The following ATP6V0A4 variants were observed in gnomAD, a reference collection of about 807,000 sequenced individuals.
ATP6V0A4 encodes V-type proton ATPase 116 kDa subunit a 4.
Under a neutral mutation model 107.3 loss-of-function variants are expected in ATP6V0A4, and 86 were observed. The observed-to-expected ratio is 0.80, with a 90% confidence interval of 0.67 to 0.96. The LOEUF (loss-of-function observed/expected upper bound fraction) is 0.96. Ranked by LOEUF, ATP6V0A4 falls within the 40% of genes least tolerant of loss-of-function variation. The pLI is 0.00. For synonymous variants in ATP6V0A4, 353 were observed against 381.4 expected, an observed-to-expected ratio of 0.93 and a Z score of 0.87; for missense variants, 908 against 1,045.6, an observed-to-expected ratio of 0.87 and a Z score of 1.81.
intron 2 of ATP6V0A4, among the ~76,000 whole-genome samples, chr7:138,782,365 C>A (rs1293343641): frequency 6.6e-6 from 1 of 152,120 alleles, no homozygotes; most frequent in Admixed American, 6.6e-5. Flanking sequence ...GATTAGGGGC[C>A]CACCCCACTC....
chr7:138,718,366 GAATGCAGTCACGGA>G (rs1804215438), intron 19 of ATP6V0A4, among the ~76,000 whole-genome samples: 1 of 105,014 alleles, frequency 9.5e-6, no homozygotes, highest in African/African-American at 3.7e-5. Flanking sequence ...AGGAAGGGGG[GAATGCAGTCACGGA>G]TGTCTGTGGA....
chr7:138,794,077 A>G (rs1157590695), intron 1 of ATP6V0A4, among the ~76,000 whole-genome samples: 1 of 152,204 alleles, frequency 6.6e-6, no homozygotes. Flanking sequence ...AAGGGCAGGG[A>G]GTGAGGTTAA....
rs757800934 is a variant in ATP6V0A4, at chr7:138,768,891, C to T, written c.197-17G>A. The T allele has an allele frequency of 1.1e-5, 18 of 1,613,716 alleles. No individual in the cohort carries two copies. The Admixed American group carries it at 3.0e-4, about 27-fold the overall frequency. ...CCAGAAAACCTGAAGAATGAAAACC[C>T]ACCAGAAACCCCAAGGTGATTGTGT... On this transcript the variant is annotated splice_polypyrimidine_tract_variant and intron_variant, in intron 4 of 21. Transcript: ENST00000310018.
intron 15 of ATP6V0A4, among the ~76,000 whole-genome samples, chr7:138,734,954 C>A: frequency 6.6e-6 from 1 of 152,132 alleles, no homozygotes; most frequent in African/African-American, 2.4e-5. Context: ...CATTACAAAG[C>A]ATTTCCCCAG....
intron 10 of ATP6V0A4, chr7:138,753,042 TC>T: frequency 2.3e-6 from 1 of 432,360 alleles, no homozygotes; most frequent in Non-Finnish European, 3.1e-6. Flanking sequence ...GATTGTATCT[TC>T]CTTTTCTTCT....
At chr7:138,733,234 C>A in intron 16 of ATP6V0A4, 141 bp from the exon 17 acceptor site, 7 of 1,393,600 alleles carry the variant, frequency 5.0e-6, no homozygotes, top group South Asian at 1.4e-5. Context: ...CACCCCCCAC[C>A]CCCCCAGCAA....
chr7:138,746,663 C>G (rs1309889975), intron 13 of ATP6V0A4, among the ~76,000 whole-genome samples: 1 of 152,134 alleles, frequency 6.6e-6, no homozygotes, highest in Non-Finnish European at 1.5e-5. Context: ...ACCACCATGC[C>G]TGGCTAATTT....
At chr7:138,747,592 A>G in intron 12 of ATP6V0A4, 28 bp from the exon 13 acceptor site, 1 of 1,612,680 alleles carries the variant, frequency 6.2e-7, no homozygotes, top group Non-Finnish European at 8.5e-7. Context: ...ACAACGCCTG[A>G]GGCCTCAGCA....
At chr7:138,712,189 C>G (rs117636440) in intron 20 of ATP6V0A4, among the ~76,000 whole-genome samples, 3,918 of 152,252 alleles carry the variant, frequency 0.026, 117 homozygotes, top group East Asian at 0.14. Flanking sequence ...ACCACCTTGG[C>G]CTCCCAAAGT....
chr7:138,710,646 G>T (rs114074592), intron 20 of ATP6V0A4, among the ~76,000 whole-genome samples: 1 of 152,102 alleles, frequency 6.6e-6, no homozygotes, highest in Non-Finnish European at 1.5e-5. Flanking sequence ...TTCAAAAAAC[G>T]TTTAGCTAAT....
At chr7:138,794,120 C>T (rs1483141798) in intron 1 of ATP6V0A4, among the ~76,000 whole-genome samples, 1 of 152,150 alleles carries the variant, frequency 6.6e-6, no homozygotes, top group African/African-American at 2.4e-5. Context: ...CTCAGGTCCA[C>T]ATCTAGATGT....
At chr7:138,732,713 T>C (rs1464545107) in intron 17 of ATP6V0A4, among the ~76,000 whole-genome samples, 164 bp downstream of exon 17, 1 of 151,248 alleles carries the variant, frequency 6.6e-6, no homozygotes, top group Non-Finnish European at 1.5e-5. Context: ...AAAATCGTTT[T>C]AACCCAGGAG....
intron 11 of ATP6V0A4, among the ~76,000 whole-genome samples, chr7:138,751,730 A>G (rs1025866221): frequency 6.6e-6 from 1 of 152,000 alleles, no homozygotes; most frequent in Non-Finnish European, 1.5e-5. Context: ...GTGCTTAGCC[A>G]TCTCGGACAC....
At chr7:138,781,067 G>A (rs755160813) in intron 2 of ATP6V0A4, among the ~76,000 whole-genome samples, 2 of 152,148 alleles carry the variant, frequency 1.3e-5, no homozygotes, top group Admixed American at 6.5e-5. Flanking sequence ...TCAGTATATT[G>A]TCATCAGTGT....
At chr7:138,728,499 T>C (rs902488985) in intron 18 of ATP6V0A4, among the ~76,000 whole-genome samples, 6 of 152,026 alleles carry the variant, frequency 3.9e-5, no homozygotes, top group Admixed American at 2.6e-4. Context: ...AGTGCTAGGA[T>C]TACAGGCGTG....
rs143775850 is a variant in ATP6V0A4 at position 138,748,998 on chromosome 7, T to A, written c.1180+169A>T. 3.3e-5 allele frequency among the ~76,000 whole-genome samples: 5 copies of A among 152,292 alleles called. No homozygotes were observed. In the East Asian group the frequency reaches 9.6e-4, roughly 29 times the overall value. ...ACGAAACCAAGGAGGATTTTAGGAA[T>A]CCTACTACTTGCCCCTACTATCCTA... is the stretch of plus-strand genomic sequence containing the variant. On this transcript the variant is annotated intron_variant, in intron 12 of 21. Transcript: ENST00000310018.
intron 2 of ATP6V0A4, among the ~76,000 whole-genome samples, chr7:138,783,761 T>C (rs1808023136): frequency 6.6e-6 from 1 of 152,150 alleles, no homozygotes; most frequent in Non-Finnish European, 1.5e-5. Context: ...ACTCCTACTT[T>C]TTCTTACCCA....
At chr7:138,784,255 T>TATATATATACATATATATAC (rs1563020868) in intron 2 of ATP6V0A4, among the ~76,000 whole-genome samples, 2 of 28,886 alleles carry the variant, frequency 6.9e-5, no homozygotes, top group African/African-American at 2.9e-4. Flanking sequence ...TATATATACA[T>TATATATATACATATATATAC]ATATATATAT....
intron 2 of ATP6V0A4, among the ~76,000 whole-genome samples, chr7:138,777,247 A>C (rs1364530181): frequency 6.6e-6 from 1 of 152,190 alleles, no homozygotes; most frequent in African/African-American, 2.4e-5. Flanking sequence ...AGGAATTTGA[A>C]TTTTATTCTA....
Sources: gnomAD v4.1 joint callset for allele counts (sites outside exome capture counted in the v4.1 genomes callset) on GRCh38, gnomAD v4.1.1 for gene constraint, MANE v1.5 for transcripts, NCBI Gene and HGNC (gene_info 2026-07-23, HGNC 2026-07-21) for gene names.